The following CTNND2 variants were observed in gnomAD, a reference collection of about 807,000 sequenced individuals.
CTNND2 encodes the protein catenin delta 2.
A neutral mutation model predicts 144.4 loss-of-function variants in CTNND2; 22 were observed. The observed-to-expected ratio is 0.15, with a 90% CI of 0.11 to 0.22. The LOEUF (loss-of-function observed/expected upper bound fraction) is 0.22, where lower values mean the gene tolerates loss of function less well. Ranked by LOEUF, CTNND2 falls within the 10% of genes least tolerant of loss-of-function variation. The pLI is 1.00. For missense variants in CTNND2, 1,353 were observed against 1,618.8 expected (o/e 0.84, Z 2.82); for synonymous variants, 751 against 695.6 (o/e 1.08, Z -1.25).
intron 9 of CTNND2, among the ~76,000 whole-genome samples, chr5:11,334,203 A>G (rs1448583648): frequency 6.6e-6 from 1 of 152,206 alleles, no homozygotes; most frequent in Non-Finnish European, 1.5e-5. Flanking sequence ...ACAAATTTTG[A>G]ATGTTTTCAC....
Position 11,522,760 on chromosome 5 carries a change from A to G in CTNND2, c.287+42184T>C, listed in dbSNP as rs189946470. 9.8e-5 allele frequency among the ~76,000 whole-genome samples: 15 copies of G among 152,336 alleles called. No individual in the cohort carries two copies. The East Asian group carries it at 2.5e-3, about 26-fold the overall frequency. On this transcript the variant is annotated intron_variant, in intron 3 of 21. Transcript: ENST00000304623. ...TATCAGACTGCATTACTCAGGACCA[A>G]TTAAGCCAAGTTATTCCATATAGAC...
chr5:11,728,064 T>C (rs1787119121), intron 2 of CTNND2, among the ~76,000 whole-genome samples: 3 of 152,254 alleles, frequency 2.0e-5, no homozygotes. Context: ...AGAGATGATG[T>C]AAAAGATCTA....
chr5:11,531,698 A>G (rs2150055736), intron 3 of CTNND2, among the ~76,000 whole-genome samples: 1 of 152,274 alleles, frequency 6.6e-6, no homozygotes, highest in South Asian at 2.1e-4. Flanking sequence ...GTAAATATTA[A>G]TTACTAAAAT....
Position 11,398,266 on chromosome 5 carries a change from TG to T in CTNND2, c.440-1064del, listed in dbSNP as rs748902546. On this transcript the variant is annotated intron_variant, in intron 5 of 21. Coordinates refer to ENST00000304623, the MANE Select transcript of CTNND2 (RefSeq NM_001332.4). The stretch of plus-strand genomic sequence containing the variant: ...CTGTTTTAGACAATAATATCACTTC[TG>T]ATAAGTATGAGCAAATTTCAAGTTC... 1.1e-3 allele frequency among the ~76,000 whole-genome samples: 172 copies of T among 152,374 alleles called. 1 individual carries two copies. Among genetic ancestry groups the T allele is most frequent in the Non-Finnish European group, 1.1e-3 (74 of 68,032 alleles).
intron 10 of CTNND2, among the ~76,000 whole-genome samples, chr5:11,216,188 G>T (rs374686441): frequency 1.9e-4 from 29 of 152,138 alleles, no homozygotes; most frequent in African/African-American, 6.8e-4. Context: ...AGCATTTTCC[G>T]CACTCTAATA....
chr5:11,120,014 A>C (rs563100239), intron 12 of CTNND2, among the ~76,000 whole-genome samples: 1 of 152,360 alleles, frequency 6.6e-6, no homozygotes, highest in African/African-American at 2.4e-5. Flanking sequence ...TGAACAACTT[A>C]ACATCAGAAG....
chr5:11,381,306 A>G (rs1487871880), intron 7 of CTNND2, among the ~76,000 whole-genome samples: 1 of 152,110 alleles, frequency 6.6e-6, no homozygotes. Context: ...TACAAACTAG[A>G]TCAGAATGCA....
intron 14 of CTNND2, 29 bp from the exon 15 acceptor site, chr5:11,098,777 A>C: frequency 6.2e-7 from 1 of 1,604,186 alleles, no homozygotes; most frequent in Non-Finnish European, 8.5e-7. Flanking sequence ...GAGAGCAAAC[A>C]TCTTTAACAT....
chr5:11,117,091 G>A (rs1580332171), intron 13 of CTNND2, among the ~76,000 whole-genome samples: 2 of 151,208 alleles, frequency 1.3e-5, no homozygotes. Flanking sequence ...AAAAAAGCAG[G>A]TAGTTTTAAC....
At chr5:11,879,341 G>GTGTGTATATATATATATATATATATATA in intron 1 of CTNND2, among the ~76,000 whole-genome samples, 24 of 109,384 alleles carry the variant, frequency 2.2e-4, no homozygotes, top group Non-Finnish European at 4.5e-4. Context: ...TTAAATGTGT[G>GTGTGTATATATATATATATATATATATA]TATATATATA....
intron 11 of CTNND2, among the ~76,000 whole-genome samples, chr5:11,188,119 T>G (rs994519593): frequency 1.1e-4 from 17 of 152,144 alleles, no homozygotes; most frequent in African/African-American, 4.1e-4. Context: ...CTCAAAGGAA[T>G]AAAAATCATT....
At position 11,726,694 on chromosome 5, in the gene CTNND2, C is replaced by T. The variant is rs182528050; in HGVS notation, c.174+5442G>A. 3.0e-3 allele frequency among the ~76,000 whole-genome samples: 451 copies of T among 152,120 alleles called. 2 individuals are homozygous for T. Among genetic ancestry groups the T allele is most frequent in the Non-Finnish European group, 2.8e-3 (187 of 67,976 alleles). On this transcript the variant is annotated intron_variant, in intron 2 of 21. Coordinates refer to ENST00000304623, the MANE Select transcript of CTNND2 (RefSeq NM_001332.4). ...GCACTATATTGTCATGTTACAAAAC[C>T]CCACATACTAAAGGCTTATTTTCTA...
At chr5:11,439,255 T>C (rs887775976) in intron 3 of CTNND2, among the ~76,000 whole-genome samples, 1 of 152,134 alleles carries the variant, frequency 6.6e-6, no homozygotes, top group Non-Finnish European at 1.5e-5. Context: ...CATGCTTGAA[T>C]TGTCATCAAA....
chr5:11,245,999 T>C (rs1410016434), intron 9 of CTNND2, among the ~76,000 whole-genome samples: 1 of 152,222 alleles, frequency 6.6e-6, no homozygotes, highest in Non-Finnish European at 1.5e-5. Flanking sequence ...GCCCAGTAGC[T>C]TTCACCTCTT....
intron 19 of CTNND2, among the ~76,000 whole-genome samples, chr5:10,990,015 C>G (rs1472763693): frequency 6.6e-6 from 1 of 152,206 alleles, no homozygotes; most frequent in Non-Finnish European, 1.5e-5. Context: ...CCACCCAATG[C>G]CAGCTGGCCA....
chr5:11,576,440 CTTATTACAGTACAG>C (rs1777978304), intron 2 of CTNND2, among the ~76,000 whole-genome samples: 1 of 150,128 alleles, frequency 6.7e-6, no homozygotes, highest in Admixed American at 6.6e-5. Context: ...TAAAAGGTTA[CTTATTACAGTACAG>C]TTATATTAGA....
intron 2 of CTNND2, among the ~76,000 whole-genome samples, chr5:11,593,651 C>T (rs144465809): frequency 1.3e-5 from 2 of 152,328 alleles, no homozygotes; most frequent in African/African-American, 4.8e-5. Context: ...CCTGCATATG[C>T]TCTCTGGCCT....
At chr5:11,793,451 G>C (rs1203854852) in intron 1 of CTNND2, among the ~76,000 whole-genome samples, 1 of 152,174 alleles carries the variant, frequency 6.6e-6, no homozygotes, top group Non-Finnish European at 1.5e-5. Context: ...TTTGGAAATA[G>C]GATTGTTGCA....
intron 9 of CTNND2, among the ~76,000 whole-genome samples, chr5:11,300,465 C>G (rs779269413): frequency 7.9e-5 from 12 of 152,116 alleles, no homozygotes; most frequent in Non-Finnish European, 1.8e-4. Flanking sequence ...GGCTCCTTGT[C>G]CCCCAGATGT....
Sources: allele counts gnomAD v4.1 joint callset (sites outside exome capture counted in the v4.1 genomes callset), GRCh38; gene constraint gnomAD v4.1.1; transcripts MANE v1.5; gene names NCBI Gene and HGNC (gene_info 2026-07-23, HGNC 2026-07-21).